Variants in AKAP13 observed in about 807,000 individuals in gnomAD.
AKAP13 encodes the protein A-kinase anchoring protein 13, also known as A-kinase anchor protein 13.
Under a neutral mutation model 264.5 loss-of-function variants are expected in AKAP13, and 80 were observed. The ratio of observed to expected loss-of-function variants is 0.30; its 90% CI spans 0.25 to 0.36. The LOEUF is 0.36. Among genes scored for constraint, AKAP13 ranks in the 10% least tolerant of loss-of-function variants. The probability of loss-of-function intolerance (pLI) is 1.00; values close to 1 mark genes in which losing one functional copy is unlikely to be tolerated. For synonymous variants in AKAP13, 1,380 were observed against 1,250.2 expected (o/e 1.10, Z -2.19); for missense variants, 3,712 against 3,435.2 (o/e 1.08, Z -2.01).
intron 1 of AKAP13, among the ~76,000 whole-genome samples, chr15:85,483,643 A>C (rs1407872684): frequency 1.1e-4 from 17 of 148,594 alleles, no homozygotes; most frequent in African/African-American, 4.0e-4. Flanking sequence ...AAAAAAAAAA[A>C]AAAAAAAACA....
At chr15:85,517,838 GA>G (rs1359235493) in intron 2 of AKAP13, among the ~76,000 whole-genome samples, 2 of 152,078 alleles carry the variant, frequency 1.3e-5, no homozygotes, top group African/African-American at 4.8e-5. Context: ...TTAGGACCCT[GA>G]AAAAATTGTC....
rs760841486 is a variant in AKAP13, at chr15:85,580,587, TAGA to T, written c.2523_2525del (p.Glu841del). The stretch of plus-strand genomic sequence containing the variant: ...TCGAATGAGCCTGATACGCGGCCAC[TAGA>T]AGACAGGGCAGTAGGCCTGTCCACA... On this transcript the variant is annotated inframe_deletion, in exon 7 of 37. Coordinates refer to ENST00000394518, the MANE Select transcript of AKAP13 (RefSeq NM_007200.5). 3.1e-6 allele frequency: 5 copies of T among 1,614,202 alleles called. No individual in the cohort carries two copies. In the South Asian group the frequency reaches 5.5e-5, roughly 18 times the overall value.
At chr15:85,631,496 T>TCACA (rs1179138065) in intron 8 of AKAP13, among the ~76,000 whole-genome samples, 16 of 64,696 alleles carry the variant, frequency 2.5e-4, no homozygotes, top group African/African-American at 7.9e-4. Context: ...TCTCTCTCTC[T>TCACA]CTCTCTCACA....
At chr15:85,699,120 A>G (rs1325151250) in intron 17 of AKAP13, among the ~76,000 whole-genome samples, 1 of 151,982 alleles carries the variant, frequency 6.6e-6, no homozygotes, top group African/African-American at 2.4e-5. Flanking sequence ...GCATGATCCT[A>G]GTTTATGGAA....
chr15:85,689,618 GAA>G (rs776253422), intron 16 of AKAP13, among the ~76,000 whole-genome samples: 1 of 152,188 alleles, frequency 6.6e-6, no homozygotes, highest in Non-Finnish European at 1.5e-5. Context: ...CAACTTCACT[GAA>G]AAGTTTTCTT....
intron 14 of AKAP13, among the ~76,000 whole-genome samples, chr15:85,679,147 A>G (rs559249243): frequency 1.2e-3 from 184 of 152,070 alleles, no homozygotes; most frequent in African/African-American, 4.1e-3. Flanking sequence ...AGGCTGAGGT[A>G]GGAGAATTGC....
rs142964345 is a variant in AKAP13, at chr15:85,521,519, G to A, written c.125G>A (p.Arg42His). Residue 42 changes from arginine (R) to histidine (H), a missense_variant, in exon 3 of 37, where the codon CGT becomes CAT. Physicochemically the swap from Arg to His is conservative, Grantham distance 29. This residue lies in a region of AKAP13 where 2,759 missense variants were observed against 2,411.7 expected (regional missense o/e 1.14). Coordinates refer to ENST00000394518, the MANE Select transcript of AKAP13 (RefSeq NM_007200.5). Reference protein sequence around the residue: ...FYLVFLGSTLRHCTSTRKVSS... With the variant: ...FYLVFLGSTLHHCTSTRKVSS... ...TTGGTATTTTTGGGTTCCACCCTCCGTCACTGTACAAGTACTCGGAAGGTC... is the reference window on the plus strand; with the variant it reads ...TTGGTATTTTTGGGTTCCACCCTCCATCACTGTACAAGTACTCGGAAGGTC... 143 of 1,614,096 alleles carry A rather than the reference G, an allele frequency of 8.9e-5. No individual in the cohort carries two copies. The African/African-American group carries it at 1.2e-3, about 14-fold the overall frequency.
At chr15:85,744,150 A>AAT (rs2089271399) in intron 36 of AKAP13, 18 of 344,936 alleles carry the variant, frequency 5.2e-5, no homozygotes, top group Non-Finnish European at 8.0e-5. Context: ...CATTGGTAAC[A>AAT]GCTAGCATTT....
intron 1 of AKAP13, among the ~76,000 whole-genome samples, chr15:85,423,560 C>T (rs2072628341): frequency 2.6e-5 from 4 of 152,196 alleles, no homozygotes; most frequent in Admixed American, 2.0e-4. Context: ...TTGCTGTTTC[C>T]ACCACATGTC....
chr15:85,736,938 GGGAT>G (rs1273434623), intron 33 of AKAP13, among the ~76,000 whole-genome samples: 5 of 101,102 alleles, frequency 4.9e-5, no homozygotes, highest in Non-Finnish European at 9.6e-5. Flanking sequence ...TTTTTTTCTG[GGGAT>G]GGATCTTGCT....
At chr15:85,407,849 C>T (rs2071750954) in intron 1 of AKAP13, among the ~76,000 whole-genome samples, 1 of 151,630 alleles carries the variant, frequency 6.6e-6, no homozygotes, top group African/African-American at 2.4e-5. Flanking sequence ...AGGATAGTGG[C>T]TTGGCAGAGG....
intron 15 of AKAP13, chr15:85,683,381 T>C (rs1050254140): frequency 6.6e-6 from 1 of 152,208 alleles, no homozygotes; most frequent in Non-Finnish European, 1.5e-5. Flanking sequence ...ATGTCTAAAA[T>C]ATTTTAGAAC....
intron 11 of AKAP13, among the ~76,000 whole-genome samples, chr15:85,656,515 C>T (rs1232973737): frequency 6.6e-6 from 1 of 152,030 alleles, no homozygotes; most frequent in African/African-American, 2.4e-5. Flanking sequence ...GGCGCAATCT[C>T]GGCTCCCTGC....
chr15:85,561,923 T>C (rs2078393578), intron 5 of AKAP13, among the ~76,000 whole-genome samples: 1 of 152,228 alleles, frequency 6.6e-6, no homozygotes, highest in Non-Finnish European at 1.5e-5. Context: ...TTTATATTTT[T>C]AGTTTCGTCT....
At chr15:85,585,849 G>A (rs766491970) in intron 8 of AKAP13, 26 bp downstream of exon 8, 1 of 1,611,788 alleles carries the variant, frequency 6.2e-7, no homozygotes, top group Admixed American at 1.7e-5. Context: ...AAGTCTATAA[G>A]GGCACAAAAT....
chr15:85,409,844 G>A (rs1567043142), intron 1 of AKAP13, among the ~76,000 whole-genome samples: 1 of 149,922 alleles, frequency 6.7e-6, no homozygotes, highest in South Asian at 2.1e-4. Flanking sequence ...TGTTAGCCAG[G>A]ATGGTCTCTA....
rs773252270 is a variant in AKAP13, at chr15:85,582,067, G to A, written c.3999G>A (p.Glu1333=). 1.2e-6 allele frequency: 2 copies of A among 1,612,944 alleles called. No homozygotes were observed. The highest frequency in any genetic ancestry group is 2.2e-5 in the South Asian group (2 of 91,000). Residue 1333 remains glutamate, a synonymous_variant, in exon 7 of 37, where the codon GAG becomes GAA. Coordinates refer to ENST00000394518, the MANE Select transcript of AKAP13 (RefSeq NM_007200.5). ...GTTTTGCTGGAAGGGAGGAGCCAGA[G>A]AAGATCATTTTACCTGTCCAGGGGC... ...AGCFAGREEP[E]KIILPVQGPE... is the part of the protein sequence containing the mutation.
intron 19 of AKAP13, among the ~76,000 whole-genome samples, chr15:85,715,033 G>A (rs1256342936): frequency 6.6e-6 from 1 of 152,036 alleles, no homozygotes; most frequent in African/African-American, 2.4e-5. Context: ...TACTCCCACA[G>A]GATTCTTTAT....
At chr15:85,675,094 A>T (rs2084151541) in intron 14 of AKAP13, among the ~76,000 whole-genome samples, 1 of 152,122 alleles carries the variant, frequency 6.6e-6, no homozygotes, top group South Asian at 2.1e-4. Context: ...ATATGTTGGA[A>T]ATTTCCATAT....
Sources: allele counts gnomAD v4.1 joint callset (sites outside exome capture counted in the v4.1 genomes callset), GRCh38; gene constraint gnomAD v4.1.1; regional missense constraint gnomAD v4.1.1; transcripts MANE v1.5; gene names NCBI Gene and HGNC (gene_info 2026-07-23, HGNC 2026-07-21).